Variants in KCNN2 observed in about 807,000 individuals in gnomAD.
The protein encoded by KCNN2 is small conductance calcium-activated potassium channel protein 2.
In KCNN2, 24 loss-of-function variants were observed where a neutral mutation model predicts 55.5. The observed-to-expected ratio is 0.43, with a 90% confidence interval of 0.31 to 0.61. The LOEUF (loss-of-function observed/expected upper bound fraction) is 0.61. Ranked by LOEUF, KCNN2 falls within the 20% of genes least tolerant of loss-of-function variation. The pLI is 0.08. For synonymous variants in KCNN2, 431 were observed against 336.1 expected, an observed-to-expected ratio of 1.28 and a Z score of -3.09; for missense variants, 754 against 853.6, an observed-to-expected ratio of 0.88 and a Z score of 1.45.
chr5:114,411,665 A>G (rs923663348), intron 3 of KCNN2, among the ~76,000 whole-genome samples: 1 of 152,124 alleles, frequency 6.6e-6, no homozygotes, highest in Non-Finnish European at 1.5e-5. Context: ...TCCAGGAGAG[A>G]GAGAGAGGGG....
intron 4 of KCNN2, among the ~76,000 whole-genome samples, chr5:114,471,544 T>C (rs551002850): frequency 6.6e-6 from 1 of 152,288 alleles, no homozygotes; most frequent in African/African-American, 2.4e-5. Flanking sequence ...GATATAGATA[T>C]TATGAGATGA....
At chr5:114,367,325 C>A (rs1027919953) in intron 2 of KCNN2, among the ~76,000 whole-genome samples, 1 of 152,142 alleles carries the variant, frequency 6.6e-6, no homozygotes, top group Non-Finnish European at 1.5e-5. Flanking sequence ...TACTTTTATA[C>A]CTCACTACCA....
rs376177861 is a variant in KCNN2, at chr5:114,142,272, G to A, written c.-270-79208G>A. Among the ~76,000 whole-genome samples the A allele has an allele frequency of 1.2e-4, 18 of 152,186 alleles. No individual in the cohort carries two copies. The East Asian group carries it at 2.7e-3, about 23-fold the overall frequency. On this transcript the variant is annotated intron_variant, in intron 1 of 10. Coordinates refer to the KCNN2 transcript ENST00000512097. Reference sequence around the variant, plus strand: ...GGGTTTTTATGGTTTTAGGTCTAACGTTTAAGTCTTTAATCCATCTTGAAT... The same window carrying A: ...GGGTTTTTATGGTTTTAGGTCTAACATTTAAGTCTTTAATCCATCTTGAAT...
rs138587494 is a variant in KCNN2, at chr5:114,276,883, G to A, written c.-185+55318G>A. On this transcript the variant is annotated intron_variant, in intron 2 of 10. Transcript: ENST00000512097. ...GTGAATTTGATCCTGTCATTATGGT[G>A]CTAGCTGGTTATTTCACCGATTAAT... Among the ~76,000 whole-genome samples the A allele has an allele frequency of 1.6e-3, 247 of 152,204 alleles. 1 individual carries two copies. Among genetic ancestry groups the A allele is most frequent in the African/African-American group, 5.8e-3 (241 of 41,530 alleles).
At chr5:114,080,274 AC>A (rs1358205352) in intron 1 of KCNN2, among the ~76,000 whole-genome samples, 1 of 152,218 alleles carries the variant, frequency 6.6e-6, no homozygotes, top group African/African-American at 2.4e-5. Flanking sequence ...AACTTATTGC[AC>A]ATTCCTGTTC....
chr5:114,426,798 G>C (rs1441785156), intron 3 of KCNN2, among the ~76,000 whole-genome samples: 1 of 152,106 alleles, frequency 6.6e-6, no homozygotes, highest in Non-Finnish European at 1.5e-5. Flanking sequence ...CACCCGGACT[G>C]CTCATAGTAT....
intron 2 of KCNN2, among the ~76,000 whole-genome samples, chr5:114,314,904 C>T (rs939730686): frequency 1.3e-5 from 2 of 152,108 alleles, no homozygotes; most frequent in African/African-American, 4.8e-5. Flanking sequence ...AGGGTTAAAT[C>T]CACAAATGCC....
At chr5:114,344,108 G>C (rs1757065490) in intron 2 of KCNN2, among the ~76,000 whole-genome samples, 2 of 152,290 alleles carry the variant, frequency 1.3e-5, no homozygotes, top group South Asian at 4.1e-4. Context: ...ACCACCCAGA[G>C]TTGTTAGCCA....
At chr5:114,123,764 C>A (rs1459501285) in intron 1 of KCNN2, among the ~76,000 whole-genome samples, 1 of 152,112 alleles carries the variant, frequency 6.6e-6, no homozygotes, top group Non-Finnish European at 1.5e-5. Context: ...ATTCTAGATT[C>A]ATGTCAGTCT....
At chr5:114,069,744 A>G (rs182915325) in intron 1 of KCNN2, among the ~76,000 whole-genome samples, 1 of 152,188 alleles carries the variant, frequency 6.6e-6, no homozygotes, top group Non-Finnish European at 1.5e-5. Flanking sequence ...CTCAGCATCA[A>G]GCATGGCCAC....
intron 2 of KCNN2, among the ~76,000 whole-genome samples, chr5:114,290,024 TTG>T (rs1397921271): frequency 9.2e-5 from 14 of 152,196 alleles, no homozygotes; most frequent in African/African-American, 3.1e-4. Context: ...CCCTGCAACT[TTG>T]CTGAATTAGT....
At chr5:114,399,400 T>G (rs1370680043) in intron 2 of KCNN2, among the ~76,000 whole-genome samples, 1 of 152,196 alleles carries the variant, frequency 6.6e-6, no homozygotes, top group Non-Finnish European at 1.5e-5. Flanking sequence ...TGAATCATGT[T>G]TAATGATTTA....
intron 3 of KCNN2, among the ~76,000 whole-genome samples, chr5:114,448,489 C>T (rs1302748848): frequency 6.6e-6 from 1 of 152,174 alleles, no homozygotes; most frequent in Non-Finnish European, 1.5e-5. Flanking sequence ...AAGCAAGGTG[C>T]AATTAGGAGG....
intron 2 of KCNN2, among the ~76,000 whole-genome samples, chr5:114,336,209 A>G (rs1656809235): frequency 6.6e-6 from 1 of 152,254 alleles, no homozygotes; most frequent in Admixed American, 6.5e-5. Flanking sequence ...TAATCATTAA[A>G]CAAAAAGAAG....
At chr5:114,228,928 A>G (rs1377740397) in intron 2 of KCNN2, among the ~76,000 whole-genome samples, 3 of 152,070 alleles carry the variant, frequency 2.0e-5, no homozygotes, top group African/African-American at 4.8e-5. Context: ...CTTTCATGGC[A>G]TATTATCTAA....
At chr5:114,370,621 C>A (rs1757735249) in intron 2 of KCNN2, among the ~76,000 whole-genome samples, 1 of 151,960 alleles carries the variant, frequency 6.6e-6, no homozygotes, top group Admixed American at 6.6e-5. Flanking sequence ...AAAGAAGTAT[C>A]CAGTATTGCC....
intron 1 of KCNN2, among the ~76,000 whole-genome samples, chr5:114,158,203 G>A (rs1358288030): frequency 6.6e-6 from 1 of 152,138 alleles, no homozygotes; most frequent in Non-Finnish European, 1.5e-5. Context: ...AAGGGATCCA[G>A]TTTCAGCTTT....
At chr5:114,312,428 CACACACATATATATATATATAT>C (rs1410812431) in intron 2 of KCNN2, among the ~76,000 whole-genome samples, 42 of 22,204 alleles carry the variant, frequency 1.9e-3, no homozygotes, top group African/African-American at 5.8e-3. Flanking sequence ...CACACACACA[CACACACATATATATATATATAT>C]ATATATATAT....
At chr5:114,157,627 A>G (rs75701951) in intron 1 of KCNN2, among the ~76,000 whole-genome samples, 63,241 of 151,946 alleles carry the variant, frequency 0.42, 13,543 homozygotes, top group East Asian at 0.72. Flanking sequence ...TACTAACAGT[A>G]TAAAAGCGTT....
Sources: gnomAD v4.1 joint callset for allele counts (sites outside exome capture counted in the v4.1 genomes callset) on GRCh38, gnomAD v4.1.1 for gene constraint, MANE v1.5 for transcripts, NCBI Gene and HGNC (gene_info 2026-07-23, HGNC 2026-07-21) for gene names.